Variants in ZNF721 observed in about 807,000 individuals in gnomAD.
The protein encoded by ZNF721 is zinc finger protein 721.
ZNF721 carries 2 observed loss-of-function variants against 2.4 expected under a neutral mutation model. The ratio of observed to expected loss-of-function variants is 0.82; its 90% CI spans 0.34 to 2.58. ZNF721 has a LOEUF of 2.58. Among genes scored for constraint, ZNF721 ranks in the 30% most tolerant of loss-of-function variants. ZNF721 has a pLI of 0.11. For synonymous variants in ZNF721, 398 were observed against 381.8 expected (o/e 1.04, Z -0.50); for missense variants, 1,187 against 1,085.5 (o/e 1.09, Z -1.31).
At chr4:462,535 G>A (rs138259834) in intron 2 of ZNF721, among the ~76,000 whole-genome samples, 17 of 152,160 alleles carry the variant, frequency 1.1e-4, no homozygotes, top group Middle Eastern at 6.8e-3. Context: ...AAACAGCATG[G>A]TACTGATACC....
chr4:453,264 G>A (rs1426623297), intron 2 of ZNF721, among the ~76,000 whole-genome samples: 2 of 152,244 alleles, frequency 1.3e-5, no homozygotes, highest in Non-Finnish European at 2.9e-5. Flanking sequence ...TTTGTCAGTT[G>A]TATACCAACT....
At chr4:482,295 C>A (rs1414548280) in intron 1 of ZNF721, among the ~76,000 whole-genome samples, 2 of 152,100 alleles carry the variant, frequency 1.3e-5, no homozygotes, top group African/African-American at 4.8e-5. Flanking sequence ...TCCTGAGCCA[C>A]TAGGATTACA....
intron 1 of ZNF721, among the ~76,000 whole-genome samples, chr4:489,188 A>G (rs535146212): frequency 6.6e-6 from 1 of 152,290 alleles, no homozygotes; most frequent in East Asian, 1.9e-4. Flanking sequence ...GTAATAACCA[A>G]GATGGAGTCA....
At chr4:446,821 T>A (rs1189119684) in intron 2 of ZNF721, among the ~76,000 whole-genome samples, 1 of 151,982 alleles carries the variant, frequency 6.6e-6, no homozygotes, top group Non-Finnish European at 1.5e-5. Context: ...GCCTCCCAAG[T>A]AGCTGGGACT....
chr4:486,153 T>A (rs1384535383), intron 1 of ZNF721, among the ~76,000 whole-genome samples: 1 of 95,810 alleles, frequency 1.0e-5, no homozygotes, highest in Non-Finnish European at 2.7e-5. Context: ...TGATTTCTTT[T>A]TTTTTTCTTT....
Position 473,974 on chromosome 4 carries a change from C to A in ZNF721, c.-93-1273G>T, listed in dbSNP as rs536917373. ...CAGCCTTGGGACGCCCTGCCCCGCA[C>A]ACTCACCATTTCTCAGCTTCAAGGG... On this transcript the variant is annotated intron_variant, in intron 1 of 2. Transcript: ENST00000511833. 15 of 1,508,604 alleles carry A rather than the reference C, an allele frequency of 9.9e-6. No homozygotes were observed. The Admixed American group carries it at 1.8e-4, about 18-fold the overall frequency. The allele number at this position is 1,508,604 out of a possible 1,614,324, so 93.5% of individuals were successfully genotyped here.
intron 2 of ZNF721, among the ~76,000 whole-genome samples, chr4:459,501 T>C (rs970620365): frequency 4.6e-5 from 7 of 150,908 alleles, no homozygotes; most frequent in Non-Finnish European, 7.4e-5. Flanking sequence ...GCAATCCTAG[T>C]CTCTGATAAA....
rs564364831 is a variant in ZNF721, at chr4:466,902, C to T, written c.34+5673G>A. On this transcript the variant is annotated intron_variant, in intron 2 of 2. Coordinates refer to ENST00000511833, the MANE Select transcript of ZNF721 (RefSeq NM_133474.4). ...CAAAAAGTGAAAAACCTCAAACATC[C>T]TTCAACAGATGAATAATTTAAAAGG... 3.7e-3 allele frequency among the ~76,000 whole-genome samples: 557 copies of T among 152,312 alleles called. 2 individuals carry two copies. Among genetic ancestry groups the T allele is most frequent in the African/African-American group, 0.013 (550 of 41,576 alleles).
At chr4:497,117 A>G (rs1217458619) in intron 1 of ZNF721, among the ~76,000 whole-genome samples, 1 of 151,484 alleles carries the variant, frequency 6.6e-6, no homozygotes, top group African/African-American at 2.4e-5. Flanking sequence ...TTCCAAATCA[A>G]TTTTCTTACC....
chr4:472,681 A>G lies in ZNF721; in HGVS notation c.-73T>C. 1 of 1,612,740 alleles carries G rather than the reference A, an allele frequency of 6.2e-7. No homozygotes were observed. The highest frequency in any genetic ancestry group is 1.1e-5 in the South Asian group (1 of 90,778). On this transcript the variant is annotated 5_prime_UTR_variant, in exon 2 of 3. An upstream start codon of the reference 5' UTR is lost. Coordinates refer to ENST00000511833, the MANE Select transcript of ZNF721 (RefSeq NM_133474.4). Reference sequence around the variant, plus strand: ...CTTCTGGAGAGAATTCTATGGCCACATCCCTGAATGTTAAGGGTTCCTGAA... The same window carrying G: ...CTTCTGGAGAGAATTCTATGGCCACGTCCCTGAATGTTAAGGGTTCCTGAA...
chr4:466,899 A>G (rs1052883377), intron 2 of ZNF721, among the ~76,000 whole-genome samples: 1 of 152,188 alleles, frequency 6.6e-6, no homozygotes, highest in Non-Finnish European at 1.5e-5. Context: ...AACCTCAAAC[A>G]TCCTTCAACA....
At chr4:458,682 C>T (rs1714918767) in intron 2 of ZNF721, among the ~76,000 whole-genome samples, 1 of 152,120 alleles carries the variant, frequency 6.6e-6, no homozygotes, top group Non-Finnish European at 1.5e-5. Flanking sequence ...CCCATCTCTA[C>T]TAAAAATACA....
At chr4:455,934 T>A (rs61793720) in intron 2 of ZNF721, among the ~76,000 whole-genome samples, 87 of 151,910 alleles carry the variant, frequency 5.7e-4, no homozygotes, top group Admixed American at 2.7e-3. Flanking sequence ...AAATCACCTT[T>A]GAATAACAAG....
At chr4:486,446 C>T (rs1257087565) in intron 1 of ZNF721, among the ~76,000 whole-genome samples, 12 of 152,142 alleles carry the variant, frequency 7.9e-5, no homozygotes, top group Admixed American at 4.6e-4. Flanking sequence ...CATGAGCCAC[C>T]GCGCCCGGCC....
At chr4:487,486 C>T (rs1715925625) in intron 1 of ZNF721, among the ~76,000 whole-genome samples, 1 of 152,152 alleles carries the variant, frequency 6.6e-6, no homozygotes, top group Non-Finnish European at 1.5e-5. Flanking sequence ...CCCAGCTAAG[C>T]CCAGCCTAAA....
chr4:459,059 T>C (rs1206552237), intron 2 of ZNF721, among the ~76,000 whole-genome samples: 1 of 152,092 alleles, frequency 6.6e-6, no homozygotes. Flanking sequence ...CAAACCAAGC[T>C]TCATAAGCGA....
chr4:485,257 G>A (rs1553870093), intron 1 of ZNF721, among the ~76,000 whole-genome samples: 1 of 152,026 alleles, frequency 6.6e-6, no homozygotes, highest in African/African-American at 2.4e-5. Context: ...TTCTTGCCCT[G>A]ACCCTTGGGA....
At chr4:451,164 T>C (rs1714648441) in intron 2 of ZNF721, among the ~76,000 whole-genome samples, 1 of 151,884 alleles carries the variant, frequency 6.6e-6, no homozygotes, top group Admixed American at 6.6e-5. Context: ...AAAGATATTC[T>C]GACACGTCTC....
At chr4:483,673 G>A (rs1340910456) in intron 1 of ZNF721, among the ~76,000 whole-genome samples, 1 of 152,146 alleles carries the variant, frequency 6.6e-6, no homozygotes, top group African/African-American at 2.4e-5. Flanking sequence ...CTACACAAAT[G>A]TATTAGCTTT....
Sources: gnomAD v4.1 joint callset for allele counts (sites outside exome capture counted in the v4.1 genomes callset) on GRCh38, gnomAD v4.1.1 for gene constraint, MANE v1.5 for transcripts, NCBI Gene and HGNC (gene_info 2026-07-23, HGNC 2026-07-21) for gene names.